The following ITGBL1 variants were observed in gnomAD, a reference collection of about 807,000 sequenced individuals.
The protein encoded by ITGBL1 is integrin subunit beta like 1, also known as integrin beta-like protein 1.
A neutral mutation model predicts 68.5 loss-of-function variants in ITGBL1; 51 were observed. The observed-to-expected ratio is 0.74, with a 90% CI of 0.59 to 0.94. The LOEUF (loss-of-function observed/expected upper bound fraction) is 0.94. Among genes scored for constraint, ITGBL1 ranks in the 40% least tolerant of loss-of-function variants. ITGBL1 has a pLI of 0.00. For missense variants in ITGBL1, 649 were observed against 647.4 expected (o/e 1.00, Z -0.03); for synonymous variants, 209 against 227.3 (o/e 0.92, Z 0.72).
intron 7 of ITGBL1, among the ~76,000 whole-genome samples, chr13:101,626,876 T>C (rs1464566407): frequency 6.6e-6 from 1 of 152,190 alleles, no homozygotes; most frequent in African/African-American, 2.4e-5. Flanking sequence ...GCTAATTAAA[T>C]GTTTTCCAAA....
At chr13:101,494,518 A>G (rs562685995) in intron 2 of ITGBL1, among the ~76,000 whole-genome samples, 10 of 152,362 alleles carry the variant, frequency 6.6e-5, no homozygotes, top group Admixed American at 5.9e-4. Context: ...ACTTTCTCAC[A>G]TACAGAGCTC....
At position 101,556,148 on chromosome 13, in the gene ITGBL1, A is replaced by G. The variant is rs1184832904; in HGVS notation, c.317-11551A>G. On this transcript the variant is annotated intron_variant, in intron 2 of 10. Coordinates refer to ENST00000376180, the MANE Select transcript of ITGBL1 (RefSeq NM_004791.3). ...GCTATCATTAGCTCCTTTTTCACAAAGGAAGACGCAGAGATAATGAGAGGT... is the reference window on the plus strand; with the variant it reads ...GCTATCATTAGCTCCTTTTTCACAAGGGAAGACGCAGAGATAATGAGAGGT... Among the ~76,000 whole-genome samples the G allele has an allele frequency of 2.6e-5, 4 of 152,318 alleles. No homozygotes were observed. The South Asian group carries it at 8.3e-4, about 32-fold the overall frequency.
chr13:101,674,648 G>T (rs2033457676), intron 7 of ITGBL1, among the ~76,000 whole-genome samples: 1 of 151,642 alleles, frequency 6.6e-6, no homozygotes. Flanking sequence ...ATTTTAAAAT[G>T]ATAAAGCAAC....
At chr13:101,469,872 T>C (rs191243813) in intron 2 of ITGBL1, among the ~76,000 whole-genome samples, 1 of 152,338 alleles carries the variant, frequency 6.6e-6, no homozygotes, top group African/African-American at 2.4e-5. Flanking sequence ...CAGAATGCTC[T>C]GGAAAATGCT....
chr13:101,718,953 G>A (rs2034823321), downstream of ITGBL1: 1 of 151,806 alleles, frequency 6.6e-6, no homozygotes, highest in South Asian at 2.1e-4. Flanking sequence ...TGTACATCCT[G>A]GATTTTGATA....
intron 7 of ITGBL1, among the ~76,000 whole-genome samples, chr13:101,625,806 G>A (rs1301971488): frequency 3.9e-5 from 6 of 151,994 alleles, no homozygotes; most frequent in African/African-American, 9.7e-5. Flanking sequence ...CACCCACCTC[G>A]GCCTCCCAAA....
chr13:101,526,339 T>G lies in ITGBL1; in HGVS notation c.317-41360T>G, dbSNP rs1031295974. The stretch of plus-strand genomic sequence containing the variant: ...CCCCCTGACAGGCCCCGGTGTGTGA[T>G]GTTCTCCTCCCCATGTCCATGTATT... On this transcript the variant is annotated intron_variant, in intron 2 of 10. Transcript: ENST00000376180. 7.2e-5 allele frequency among the ~76,000 whole-genome samples: 11 copies of G among 152,108 alleles called. No individual in the cohort carries two copies. In the South Asian group the frequency reaches 1.7e-3, roughly 23 times the overall value.
chr13:101,699,001 G>C (rs1384112028), intron 8 of ITGBL1, among the ~76,000 whole-genome samples: 1 of 152,172 alleles, frequency 6.6e-6, no homozygotes, highest in Non-Finnish European at 1.5e-5. Context: ...GAGTTCTCTA[G>C]TTCATCGCTG....
chr13:101,515,477 A>C (rs1255155953), intron 2 of ITGBL1, among the ~76,000 whole-genome samples: 1 of 152,056 alleles, frequency 6.6e-6, no homozygotes, highest in African/African-American at 2.4e-5. Flanking sequence ...TCTTTCCACT[A>C]GTTCTTGTTG....
chr13:101,605,991 T>C (rs2030818597), intron 7 of ITGBL1, among the ~76,000 whole-genome samples: 3 of 146,890 alleles, frequency 2.0e-5, no homozygotes, highest in Admixed American at 1.4e-4. Flanking sequence ...TGTATATATA[T>C]GTGTATATAT....
intron 2 of ITGBL1, among the ~76,000 whole-genome samples, chr13:101,476,961 A>G (rs2048546832): frequency 6.6e-6 from 1 of 152,188 alleles, no homozygotes; most frequent in Non-Finnish European, 1.5e-5. Context: ...ATCAACAAAG[A>G]AACATCAGAC....
At chr13:101,718,106 A>C (rs1594014183), downstream of ITGBL1, 1 of 152,278 alleles carries the variant, frequency 6.6e-6, no homozygotes. Context: ...TCATTTAGTT[A>C]GAAACCATAG....
rs184905146 is a variant in ITGBL1, at chr13:101,590,312, C to T, written c.868+6956C>T. Among the ~76,000 whole-genome samples the T allele has an allele frequency of 1.1e-4, 16 of 152,210 alleles. No individual in the cohort carries two copies. The East Asian group carries it at 1.5e-3, about 15-fold the overall frequency. The stretch of plus-strand genomic sequence containing the variant: ...AATGGTTGCTTTTAAACATGGATTC[C>T]GACTATGCAACTTAAGAACGTTCTC... On this transcript the variant is annotated intron_variant, in intron 6 of 10. Transcript: ENST00000376180.
intron 7 of ITGBL1, among the ~76,000 whole-genome samples, chr13:101,654,119 A>G (rs916401985): frequency 1.3e-5 from 2 of 152,070 alleles, no homozygotes; most frequent in South Asian, 4.1e-4. Flanking sequence ...AAAAAATGCC[A>G]AGTTTGCCGA....
chr13:101,462,337 C>T (rs560626709), intron 2 of ITGBL1, among the ~76,000 whole-genome samples: 131 of 152,290 alleles, frequency 8.6e-4, no homozygotes, highest in Non-Finnish European at 1.5e-3. Flanking sequence ...ACTTTTGCCA[C>T]GTAAGGTGAC....
intron 9 of ITGBL1, among the ~76,000 whole-genome samples, chr13:101,707,451 G>T (rs2034286946): frequency 6.6e-6 from 1 of 152,132 alleles, no homozygotes; most frequent in Non-Finnish European, 1.5e-5. Context: ...AAGCTATGGG[G>T]GAGGGGTAGT....
chr13:101,508,896 C>T (rs1214289890), intron 2 of ITGBL1, among the ~76,000 whole-genome samples: 2 of 152,030 alleles, frequency 1.3e-5, no homozygotes, highest in South Asian at 2.1e-4. Context: ...AAATTCTCTC[C>T]TTTCCCAAAC....
At chr13:101,533,712 G>A (rs1391380630) in intron 2 of ITGBL1, among the ~76,000 whole-genome samples, 1 of 152,170 alleles carries the variant, frequency 6.6e-6, no homozygotes, top group Admixed American at 6.5e-5. Context: ...TTTGCAGCAG[G>A]TAATTGAGTA....
intron 7 of ITGBL1, among the ~76,000 whole-genome samples, chr13:101,606,134 C>T (rs192575879): frequency 8.0e-4 from 115 of 142,972 alleles, no homozygotes; most frequent in African/African-American, 1.3e-3. Context: ...ATAGCCTTCA[C>T]GTGGTCCCTG....
Sources: gnomAD v4.1 joint callset for allele counts (sites outside exome capture counted in the v4.1 genomes callset) on GRCh38, gnomAD v4.1.1 for gene constraint, MANE v1.5 for transcripts, NCBI Gene and HGNC (gene_info 2026-07-23, HGNC 2026-07-21) for gene names.